TMEM132D: variants seen among roughly 807,000 people sequenced by gnomAD.
TMEM132D encodes mature OL transmembrane protein.
TMEM132D carries 21 observed loss-of-function variants against 62.3 expected under a neutral mutation model. The observed-to-expected ratio is 0.34, with a 90% CI of 0.24 to 0.49. TMEM132D has a LOEUF of 0.49. TMEM132D is among the 20% of genes least tolerant of loss of function. The pLI is 0.99. For missense variants in TMEM132D, 1,346 were observed against 1,402.8 expected, an observed-to-expected ratio of 0.96 and a Z score of 0.65; for synonymous variants, 621 against 575.6, an observed-to-expected ratio of 1.08 and a Z score of -1.13.
intron 3 of TMEM132D, among the ~76,000 whole-genome samples, chr12:129,479,362 T>C (rs1260905939): frequency 2.0e-5 from 3 of 152,086 alleles, no homozygotes; most frequent in Admixed American, 2.0e-4. Context: ...AGACAGAGAA[T>C]CTTTATTACT....
At chr12:129,199,141 G>A (rs953782364) in intron 5 of TMEM132D, among the ~76,000 whole-genome samples, 21 of 122,654 alleles carry the variant, frequency 1.7e-4, no homozygotes, top group Non-Finnish European at 2.7e-4. Context: ...ACAGGGTCTC[G>A]CTCTGTCATC....
rs548414597 is a variant in TMEM132D, at chr12:129,532,663, C to T, written c.969-1458G>A. On this transcript the variant is annotated intron_variant, in intron 2 of 8. Coordinates refer to ENST00000422113, the MANE Select transcript of TMEM132D (RefSeq NM_133448.3). ...CCCTTTTCATGGTCAGAGGGGCTCA[C>T]GGTGCCTAGACTGGGCAAATGAGGT... Among the ~76,000 whole-genome samples the T allele has an allele frequency of 6.6e-5, 10 of 152,246 alleles. No homozygotes were observed. In the South Asian group the frequency reaches 1.2e-3, roughly 19 times the overall value.
chr12:129,362,587 T>A (rs1033795240), intron 3 of TMEM132D, among the ~76,000 whole-genome samples: 12 of 150,262 alleles, frequency 8.0e-5, no homozygotes, highest in Non-Finnish European at 6.0e-5. Context: ...ATATTTCTTT[T>A]TTGTTGGGAG....
chr12:129,198,887 G>C (rs908837275), intron 5 of TMEM132D, among the ~76,000 whole-genome samples: 1 of 151,738 alleles, frequency 6.6e-6, no homozygotes, highest in Non-Finnish European at 1.5e-5. Flanking sequence ...ATCACTTTGT[G>C]CTCCATAAAT....
At chr12:129,892,849 A>C (rs1874973996) in intron 1 of TMEM132D, among the ~76,000 whole-genome samples, 1 of 152,080 alleles carries the variant, frequency 6.6e-6, no homozygotes, top group African/African-American at 2.4e-5. Context: ...TGATTTATGC[A>C]TAATGGCGCC....
chr12:129,788,170 G>A (rs1221262224), intron 1 of TMEM132D, among the ~76,000 whole-genome samples: 2 of 152,242 alleles, frequency 1.3e-5, no homozygotes, highest in African/African-American at 4.8e-5. Flanking sequence ...GAATGTGGGT[G>A]AAAAGGAGTA....
chr12:129,133,718 T>C (rs985795225), intron 5 of TMEM132D, among the ~76,000 whole-genome samples: 2 of 152,222 alleles, frequency 1.3e-5, no homozygotes, highest in African/African-American at 4.8e-5. Flanking sequence ...AGGAATTTGG[T>C]GTGTGGTGGG....
intron 1 of TMEM132D, among the ~76,000 whole-genome samples, chr12:129,896,002 ACT>A: frequency 1.5e-5 from 2 of 131,042 alleles, no homozygotes; most frequent in East Asian, 4.4e-4. Context: ...ACAGGGTCTC[ACT>A]CTGTCACTCA....
chr12:129,759,921 T>C (rs1479381993), intron 1 of TMEM132D, among the ~76,000 whole-genome samples: 5 of 151,580 alleles, frequency 3.3e-5, no homozygotes, highest in Non-Finnish European at 7.4e-5. Context: ...GCCTTTTTTT[T>C]TTGAGACAGG....
At chr12:129,818,194 CTG>C (rs1287574599) in intron 1 of TMEM132D, among the ~76,000 whole-genome samples, 3 of 96,312 alleles carry the variant, frequency 3.1e-5, no homozygotes, top group Non-Finnish European at 6.4e-5. Context: ...GGTGTGGGGG[CTG>C]TGTGTGCCTA....
chr12:129,332,730 G>C (rs944149041), intron 4 of TMEM132D, among the ~76,000 whole-genome samples: 4 of 152,192 alleles, frequency 2.6e-5, no homozygotes, highest in African/African-American at 9.7e-5. Context: ...ACAGAAGTCT[G>C]TGCAAGCCAA....
At chr12:129,609,134 G>A (rs928293777) in intron 2 of TMEM132D, among the ~76,000 whole-genome samples, 8 of 151,938 alleles carry the variant, frequency 5.3e-5, no homozygotes, top group East Asian at 1.9e-4. Context: ...TAGTAGGGAC[G>A]GGATTTCACC....
intron 1 of TMEM132D, among the ~76,000 whole-genome samples, chr12:129,875,261 G>A (rs1214235436): frequency 6.6e-6 from 1 of 152,180 alleles, no homozygotes; most frequent in Non-Finnish European, 1.5e-5. Flanking sequence ...CACCCTGTAG[G>A]GCTTTCACAC....
chr12:129,764,114 T>G (rs1005931339), intron 1 of TMEM132D, among the ~76,000 whole-genome samples: 3 of 152,234 alleles, frequency 2.0e-5, no homozygotes, highest in Non-Finnish European at 4.4e-5. Context: ...CTCAAAAGCT[T>G]GCACCATAAT....
At chr12:129,306,827 C>G (rs916151585) in intron 4 of TMEM132D, among the ~76,000 whole-genome samples, 8 of 152,096 alleles carry the variant, frequency 5.3e-5, no homozygotes, top group Non-Finnish European at 1.2e-4. Context: ...CAAATCTAGA[C>G]AACAATGAGA....
intron 1 of TMEM132D, among the ~76,000 whole-genome samples, chr12:129,733,718 G>A (rs1354160429): frequency 6.6e-6 from 1 of 152,096 alleles, no homozygotes; most frequent in African/African-American, 2.4e-5. Flanking sequence ...AGTGAAGAAG[G>A]AAGACAGGTC....
intron 1 of TMEM132D, among the ~76,000 whole-genome samples, chr12:129,767,480 G>A (rs1016960440): frequency 2.6e-5 from 4 of 152,072 alleles, no homozygotes; most frequent in African/African-American, 9.7e-5. Flanking sequence ...ACTGTCCTCA[G>A]TAAAAAACAA....
chr12:129,452,224 C>T (rs1873313876), intron 3 of TMEM132D, among the ~76,000 whole-genome samples: 1 of 152,110 alleles, frequency 6.6e-6, no homozygotes, highest in Non-Finnish European at 1.5e-5. Context: ...CGTAATAGCG[C>T]CTGTCTTGGA....
intron 3 of TMEM132D, among the ~76,000 whole-genome samples, chr12:129,403,048 C>T (rs764820766): frequency 1.4e-4 from 22 of 152,022 alleles, no homozygotes; most frequent in Non-Finnish European, 2.8e-4. Context: ...AAAAGTTTTC[C>T]AGGATTGTGG....
Sources: gnomAD v4.1 joint callset for allele counts (sites outside exome capture counted in the v4.1 genomes callset) on GRCh38, gnomAD v4.1.1 for gene constraint, MANE v1.5 for transcripts, NCBI Gene and HGNC (gene_info 2026-07-23, HGNC 2026-07-21) for gene names.